UQCC1: variants seen among roughly 807,000 people sequenced by gnomAD.
The protein encoded by UQCC1 is bFGF-repressed Zic-binding protein.
In UQCC1, 38 loss-of-function variants were observed where a neutral mutation model predicts 48.0. The observed-to-expected ratio is 0.79, with a 90% CI of 0.61 to 1.04. The LOEUF is 1.04. UQCC1 is among the 50% of genes least tolerant of loss of function. The pLI is 0.00. For synonymous variants in UQCC1, 111 were observed against 129.2 expected (o/e 0.86, Z 0.95); for missense variants, 368 against 381.8 (o/e 0.96, Z 0.30).
intron 1 of UQCC1, among the ~76,000 whole-genome samples, chr20:35,397,126 A>G (rs879362931): frequency 1.3e-5 from 2 of 150,932 alleles, no homozygotes; most frequent in Admixed American, 1.3e-4. Flanking sequence ...TGAACCCAGG[A>G]GGCAAAGGTT....
chr20:35,384,755 G>A (rs908191691), intron 2 of UQCC1: 54 of 370,746 alleles, frequency 1.5e-4, no homozygotes, highest in African/African-American at 1.1e-3. Flanking sequence ...GATCACTTGA[G>A]GTCAGGAGTT....
intron 7 of UQCC1, chr20:35,345,754 T>C (rs2061425267): frequency 6.6e-6 from 1 of 151,892 alleles, no homozygotes; most frequent in Non-Finnish European, 1.5e-5. Flanking sequence ...CTTTGATTTC[T>C]ATTCTATGAG....
Position 35,384,079 on chromosome 20 carries a change from T to C in UQCC1, c.184A>G (p.Ile62Val). ...ACGGSEQIPG[I>V]DIQLNRKYHT... Reference sequence around the variant, plus strand: ...TACTTCCTATTCAGCTGTATGTCTATTCCAGGAATCTGTTCTGATCCACCA... The same window carrying C: ...TACTTCCTATTCAGCTGTATGTCTACTCCAGGAATCTGTTCTGATCCACCA... Residue 62 changes from isoleucine to valine, a missense_variant, in exon 3 of 10, where the codon ATA (isoleucine) becomes GTA (valine). Ile to Val is a conservative substitution (Grantham distance 29, BLOSUM62 3). Coordinates refer to ENST00000374385, the MANE Select transcript of UQCC1 (RefSeq NM_018244.5). 1 of 1,613,150 alleles carries C rather than the reference T, an allele frequency of 6.2e-7. No individual in the cohort carries two copies. Among genetic ancestry groups the C allele is most frequent in the Non-Finnish European group, 8.5e-7 (1 of 1,179,150 alleles).
intron 7 of UQCC1, among the ~76,000 whole-genome samples, chr20:35,316,356 C>A (rs1241125550): frequency 6.6e-6 from 1 of 152,114 alleles, no homozygotes; most frequent in East Asian, 1.9e-4. Context: ...TGAAGTGATG[C>A]CTTGTGTCAC....
chr20:35,347,358 T>C (rs941717868), intron 6 of UQCC1, 86 bp from the exon 7 acceptor site: 12 of 1,538,790 alleles, frequency 7.8e-6, no homozygotes, highest in African/African-American at 1.4e-5. Context: ...CATCTAAGAG[T>C]GAGTTTAGCA....
At chr20:35,379,383 G>A (rs1342546371) in intron 4 of UQCC1, among the ~76,000 whole-genome samples, 5 of 152,178 alleles carry the variant, frequency 3.3e-5, no homozygotes, top group African/African-American at 1.2e-4. Context: ...CAATACAAGT[G>A]CATTGATTTG....
At chr20:35,348,971 G>A (rs111930317) in intron 6 of UQCC1, among the ~76,000 whole-genome samples, 10 of 152,030 alleles carry the variant, frequency 6.6e-5, no homozygotes, top group African/African-American at 2.4e-4. Context: ...AATTTTTATT[G>A]TTTCTCATTA....
At chr20:35,359,955 A>C (rs1013185603) in intron 6 of UQCC1, among the ~76,000 whole-genome samples, 1 of 152,180 alleles carries the variant, frequency 6.6e-6, no homozygotes, top group African/African-American at 2.4e-5. Context: ...GCCACAGGAC[A>C]GCCTGTGGGC....
intron 6 of UQCC1, among the ~76,000 whole-genome samples, chr20:35,362,417 C>T (rs570067204): frequency 8.4e-4 from 128 of 152,268 alleles, no homozygotes; most frequent in Non-Finnish European, 1.6e-3. Context: ...GAGTGCGTGG[C>T]GCCATCTCGG....
In UQCC1 at chr20:35,339,470, C is replaced by T. The variant is rs540649002; in HGVS notation, c.573+7694G>A. On this transcript the variant is annotated intron_variant, in intron 7 of 9. Transcript: ENST00000374385. Reference sequence around the variant, plus strand: ...AGACAGGGGAGAAGACCAGATCAGACGGAATAGCATAAACAAAAGCCTAGA... The same window carrying T: ...AGACAGGGGAGAAGACCAGATCAGATGGAATAGCATAAACAAAAGCCTAGA... Among the ~76,000 whole-genome samples the T allele has an allele frequency of 3.0e-4, 46 of 152,160 alleles. No homozygotes were observed. The South Asian group carries it at 3.3e-3, about 11-fold the overall frequency.
At chr20:35,324,041 G>T (rs1306509153) in intron 7 of UQCC1, among the ~76,000 whole-genome samples, 1 of 152,194 alleles carries the variant, frequency 6.6e-6, no homozygotes, top group Admixed American at 6.5e-5. Context: ...AACTGCTTGA[G>T]GCCAAGAATT....
intron 1 of UQCC1, among the ~76,000 whole-genome samples, chr20:35,409,760 C>G (rs79409465): frequency 0.013 from 1,939 of 150,902 alleles, 43 homozygotes; most frequent in African/African-American, 0.045. Context: ...GCTGACAAGA[C>G]AAAAAGAGGA....
rs566617186 is a variant in UQCC1 at position 35,348,516 on chromosome 20, A to G, written c.465-1244T>C. Among the ~76,000 whole-genome samples, 185 of 151,880 alleles carry G rather than the reference A, an allele frequency of 1.2e-3. 1 individual carries two copies. The highest frequency in any genetic ancestry group is 4.2e-3 in the African/African-American group (173 of 41,406). On this transcript the variant is annotated intron_variant, in intron 6 of 9. Transcript: ENST00000374385. ...GCCATTCTCCTGCTTCAGCCTCCCA[A>G]GCAGCTGGGACTACAGGCGCCTGCC...
intron 7 of UQCC1, among the ~76,000 whole-genome samples, chr20:35,320,102 G>A (rs572214533): frequency 6.6e-6 from 1 of 152,246 alleles, no homozygotes; most frequent in Non-Finnish European, 1.5e-5. Flanking sequence ...CTGCTGCCAG[G>A]AATTCTTCTC....
At chr20:35,386,788 T>A (rs1206544548) in intron 2 of UQCC1, among the ~76,000 whole-genome samples, 1 of 151,892 alleles carries the variant, frequency 6.6e-6, no homozygotes, top group Non-Finnish European at 1.5e-5. Flanking sequence ...ATCCTACCAT[T>A]AGCTAACATT....
chr20:35,368,098 G>A (rs1049593462), intron 5 of UQCC1, among the ~76,000 whole-genome samples: 4 of 152,168 alleles, frequency 2.6e-5, no homozygotes, highest in African/African-American at 9.7e-5. Context: ...GGCCCTTATG[G>A]TAGAATCTGT....
chr20:35,410,776 A>AAAAAAAC (rs1471043404), intron 1 of UQCC1, among the ~76,000 whole-genome samples: 40 of 145,912 alleles, frequency 2.7e-4, no homozygotes, highest in African/African-American at 9.5e-4. Flanking sequence ...AAAAAAAAAA[A>AAAAAAAC]ACCACTAAAT....
At chr20:35,358,971 A>G (rs1568680570) in intron 6 of UQCC1, among the ~76,000 whole-genome samples, 1 of 152,144 alleles carries the variant, frequency 6.6e-6, no homozygotes, top group African/African-American at 2.4e-5. Flanking sequence ...TCTTTTACAT[A>G]TAAGAAAGGC....
chr20:35,374,289 A>G (rs1568690642), intron 4 of UQCC1, 33 bp from the exon 5 acceptor site: 8 of 1,533,162 alleles, frequency 5.2e-6, no homozygotes, highest in South Asian at 2.3e-5. Context: ...AACTCAAGAC[A>G]TGACCAAGTG....
Sources: allele counts gnomAD v4.1 joint callset (sites outside exome capture counted in the v4.1 genomes callset), GRCh38; gene constraint gnomAD v4.1.1; transcripts MANE v1.5; gene names NCBI Gene and HGNC (gene_info 2026-07-23, HGNC 2026-07-21).